The following ZC3H12B variants were observed in gnomAD, a reference collection of about 807,000 sequenced individuals.
ZC3H12B encodes the protein zinc finger CCCH-type containing 12B, also known as probable ribonuclease ZC3H12B.
In ZC3H12B, 7 loss-of-function variants were observed where a neutral mutation model predicts 43.9. The observed-to-expected ratio is 0.16, with a 90% CI of 0.09 to 0.30. The LOEUF (loss-of-function observed/expected upper bound fraction) is 0.30, where lower values mean the gene tolerates loss of function less well. Among genes scored for constraint, ZC3H12B ranks in the 10% least tolerant of loss-of-function variants. ZC3H12B has a pLI of 1.00. For synonymous variants in ZC3H12B, 222 were observed against 241.7 expected, an observed-to-expected ratio of 0.92 and a Z score of 0.76; for missense variants, 475 against 670.2, an observed-to-expected ratio of 0.71 and a Z score of 3.22.
chrX:65,269,206 G>A, the ZC3H12B span, among the ~76,000 whole-genome samples: 1 of 110,030 alleles, frequency 9.1e-6, no homozygotes, highest in South Asian at 3.9e-4. Flanking sequence ...TTAGCTGCAC[G>A]TGGTGGTAAA....
the ZC3H12B span, among the ~76,000 whole-genome samples, chrX:65,165,386 GC>G: frequency 8.9e-6 from 1 of 111,882 alleles, no homozygotes; most frequent in Non-Finnish European, 1.9e-5. Context: ...TAGGTTTTAA[GC>G]CCTGCATGCA....
chrX:65,155,011 A>G, the ZC3H12B span, among the ~76,000 whole-genome samples: 16 of 107,580 alleles, frequency 1.5e-4, no homozygotes, highest in African/African-American at 4.8e-4. Flanking sequence ...GTGGGAGTAC[A>G]GTGGCACAAT....
chrX:65,491,210 T>C (rs1002930318), intron 1 of ZC3H12B, among the ~76,000 whole-genome samples: 1 of 112,035 alleles, frequency 8.9e-6, no homozygotes, highest in Non-Finnish European at 1.9e-5. Context: ...CAGATTCTTT[T>C]ACGTATGTGA....
intron 3 of ZC3H12B, among the ~76,000 whole-genome samples, chrX:65,416,505 G>A (rs1372442963): frequency 9.0e-6 from 1 of 110,704 alleles, no homozygotes; most frequent in Non-Finnish European, 1.9e-5. Flanking sequence ...AATCGGGCCG[G>A]GTGCGGTGGC....
chrX:65,152,770 G>A, the ZC3H12B span, among the ~76,000 whole-genome samples: 151 of 111,667 alleles, frequency 1.4e-3, 1 homozygote, highest in Middle Eastern at 4.6e-3. Flanking sequence ...AGCCCGCATT[G>A]CCAAGTCAAT....
chrX:65,212,072 A>G, the ZC3H12B span, among the ~76,000 whole-genome samples: 35 of 61,973 alleles, frequency 5.6e-4, no homozygotes, highest in African/African-American at 2.1e-3. Context: ...TATGTATAAT[A>G]TATAGTATAT....
the ZC3H12B span, among the ~76,000 whole-genome samples, chrX:65,099,503 C>G: frequency 4.5e-5 from 5 of 111,741 alleles, no homozygotes; most frequent in Non-Finnish European, 7.5e-5. Flanking sequence ...GCCAGTGCCA[C>G]TCTGGGACAA....
chrX:65,452,853 C>CACACAA (rs2067537686), intron 3 of ZC3H12B, among the ~76,000 whole-genome samples: 1 of 96,684 alleles, frequency 1.0e-5, no homozygotes, highest in African/African-American at 3.5e-5. Context: ...CACACACACA[C>CACACAA]ACACACACAC....
chrX:65,176,209 G>A, the ZC3H12B span, among the ~76,000 whole-genome samples: 1 of 111,343 alleles, frequency 9.0e-6, no homozygotes, highest in African/African-American at 3.3e-5. Context: ...TGGGGGGAGG[G>A]GATCCCACCA....
chrX:65,481,594 C>T (rs1292608028), intron 3 of ZC3H12B, among the ~76,000 whole-genome samples: 2 of 111,378 alleles, frequency 1.8e-5, no homozygotes, highest in Non-Finnish European at 3.8e-5. Flanking sequence ...GGGGGGACAG[C>T]CAAGAGTGTA....
the ZC3H12B span, among the ~76,000 whole-genome samples, chrX:65,312,943 G>A: frequency 1.5e-3 from 163 of 111,676 alleles, 2 homozygotes; most frequent in African/African-American, 5.2e-3. Context: ...GTGCAGTGGT[G>A]CAATCTCAGC....
chrX:65,159,689 A>G, the ZC3H12B span, among the ~76,000 whole-genome samples: 1 of 111,917 alleles, frequency 8.9e-6, no homozygotes, highest in Non-Finnish European at 1.9e-5. Context: ...TTCTAGATAT[A>G]CAATCATGTC....
At chrX:65,036,915 AT>A in the ZC3H12B span, among the ~76,000 whole-genome samples, 1 of 110,652 alleles carries the variant, frequency 9.0e-6, no homozygotes, top group Non-Finnish European at 1.9e-5. Context: ...TCGTAATCAC[AT>A]TATAAAATAA....
At chrX:65,483,402 G>T (rs1987314725) in intron 3 of ZC3H12B, among the ~76,000 whole-genome samples, 2 of 111,679 alleles carry the variant, frequency 1.8e-5, no homozygotes, top group African/African-American at 3.2e-5. Flanking sequence ...TTGAATTTTT[G>T]ATTTTCTCAG....
intron 3 of ZC3H12B, among the ~76,000 whole-genome samples, chrX:65,451,067 C>T (rs2067501338): frequency 9.2e-6 from 1 of 108,226 alleles, no homozygotes; most frequent in Non-Finnish European, 1.9e-5. Flanking sequence ...TCTGCCTCAG[C>T]CTCGCAAACA....
the ZC3H12B span, among the ~76,000 whole-genome samples, chrX:65,316,850 G>A: frequency 9.0e-6 from 1 of 111,649 alleles, no homozygotes; most frequent in African/African-American, 3.3e-5. Context: ...GCACAGTGTG[G>A]AAAGTAGGAT....
chrX:65,146,197 G>C, the ZC3H12B span, among the ~76,000 whole-genome samples: 1 of 110,675 alleles, frequency 9.0e-6, no homozygotes, highest in East Asian at 2.8e-4. Flanking sequence ...ATTTTTCTTT[G>C]TCTTTGTTGG....
At chrX:65,248,225 A>T in the ZC3H12B span, among the ~76,000 whole-genome samples, 9 of 110,631 alleles carry the variant, frequency 8.1e-5, no homozygotes, top group African/African-American at 3.0e-4. Context: ...TTAAGTAGTG[A>T]TGGGGTTTGG....
intron 1 of ZC3H12B, among the ~76,000 whole-genome samples, chrX:65,491,936 G>A (rs2068210704): frequency 9.1e-6 from 1 of 109,594 alleles, no homozygotes; most frequent in Admixed American, 9.8e-5. Flanking sequence ...GATGCAGTGG[G>A]CCAGTGAAAA....
Sources: allele counts gnomAD v4.1 joint callset (sites outside exome capture counted in the v4.1 genomes callset), GRCh38; gene constraint gnomAD v4.1.1; transcripts MANE v1.5; gene names NCBI Gene and HGNC (gene_info 2026-07-23, HGNC 2026-07-21).